The following C12orf42 variants were observed in gnomAD, a reference collection of about 807,000 sequenced individuals.
C12orf42 encodes chromosome 12 open reading frame 42, also known as uncharacterized protein C12orf42.
A neutral mutation model predicts 21.6 loss-of-function variants in C12orf42; 25 were observed. The observed-to-expected ratio is 1.16, with a 90% CI of 0.84 to 1.62. The LOEUF (loss-of-function observed/expected upper bound fraction) is 1.62. C12orf42 is among the 40% of genes most tolerant of loss of function. The probability of loss-of-function intolerance (pLI) is 0.00; values close to 1 mark genes in which losing one functional copy is unlikely to be tolerated. For missense variants in C12orf42, 483 were observed against 459.3 expected (o/e 1.05, Z -0.47); for synonymous variants, 174 against 175.0 (o/e 0.99, Z 0.05).
intron 1 of C12orf42, among the ~76,000 whole-genome samples, chr12:103,494,895 C>T (rs577952656): frequency 3.3e-5 from 5 of 152,168 alleles, no homozygotes; most frequent in Admixed American, 3.3e-4. Flanking sequence ...GGGGGCAGCA[C>T]AGTTGTCACA....
intron 2 of C12orf42, among the ~76,000 whole-genome samples, chr12:103,430,148 A>G (rs1024531969): frequency 6.6e-6 from 1 of 152,258 alleles, no homozygotes; most frequent in Admixed American, 6.5e-5. Context: ...TGCACAGCAA[A>G]AGAAACTATC....
At chr12:103,394,715 TAGTGGGC>T (rs1408713056) in intron 3 of C12orf42, among the ~76,000 whole-genome samples, 1 of 152,168 alleles carries the variant, frequency 6.6e-6, no homozygotes, top group African/African-American at 2.4e-5. Context: ...GGGGTGGCTT[TAGTGGGC>T]AGCTTATTGG....
intron 3 of C12orf42, among the ~76,000 whole-genome samples, chr12:103,371,191 C>A (rs971225402): frequency 6.6e-6 from 1 of 152,064 alleles, no homozygotes; most frequent in African/African-American, 2.4e-5. Context: ...TCACTTCATA[C>A]GGCCTATCAC....
chr12:103,126,823 T>G, the C12orf42 span, among the ~76,000 whole-genome samples: 1 of 152,140 alleles, frequency 6.6e-6, no homozygotes, highest in South Asian at 2.1e-4. Context: ...AGGATCAAGT[T>G]TACTGAGGGG....
intron 4 of C12orf42, among the ~76,000 whole-genome samples, chr12:103,320,349 A>C (rs185169024): frequency 2.0e-5 from 3 of 152,374 alleles, no homozygotes; most frequent in Admixed American, 6.5e-5. Flanking sequence ...ATAATTTCCC[A>C]CACTGAGAAG....
At chr12:103,227,141 G>T in the C12orf42 span, among the ~76,000 whole-genome samples, 1 of 152,086 alleles carries the variant, frequency 6.6e-6, no homozygotes. Flanking sequence ...AGGAGGAATG[G>T]AGGTTGGAAG....
downstream of C12orf42, among the ~76,000 whole-genome samples, chr12:103,234,029 A>G (rs1247473532): frequency 6.6e-6 from 1 of 152,106 alleles, no homozygotes; most frequent in African/African-American, 2.4e-5. Context: ...TGGGTATTGG[A>G]TTTTGTCAAA....
At chr12:103,489,027 A>G (rs1394219048) in intron 1 of C12orf42, among the ~76,000 whole-genome samples, 1 of 152,126 alleles carries the variant, frequency 6.6e-6, no homozygotes, top group Non-Finnish European at 1.5e-5. Flanking sequence ...GAGAAGAGGC[A>G]CTCTGATTTT....
chr12:103,510,083 T>G, the C12orf42 span, among the ~76,000 whole-genome samples: 1 of 152,170 alleles, frequency 6.6e-6, no homozygotes, highest in East Asian at 1.9e-4. Context: ...AATTTGCAAT[T>G]GCAAAAATGT....
chr12:103,365,964 T>A (rs572142453), intron 4 of C12orf42, among the ~76,000 whole-genome samples: 1 of 151,458 alleles, frequency 6.6e-6, no homozygotes, highest in Admixed American at 6.6e-5. Context: ...TTCACGGAAC[T>A]AGAAAAATCA....
chr12:103,467,010 C>T lies in C12orf42; in HGVS notation c.78+11339G>A, dbSNP rs183142629. Among the ~76,000 whole-genome samples, 110 of 152,314 alleles carry T rather than the reference C, an allele frequency of 7.2e-4. 1 individual carries two copies. Among genetic ancestry groups the T allele is most frequent in the African/African-American group, 2.2e-3 (92 of 41,588 alleles). On this transcript the variant is annotated intron_variant, in intron 2 of 5. Transcript: ENST00000548883. ...AAAATCAGCCTTGCTGTCTAGTGGA[C>T]CCACAGCTGACCACAGACATGTGAG... is the stretch of plus-strand genomic sequence containing the variant.
intron 5 of C12orf42, chr12:103,273,657 AG>A: frequency 3.3e-6 from 1 of 306,682 alleles, no homozygotes; most frequent in Non-Finnish European, 6.6e-6. Context: ...TAAAGACCCA[AG>A]AGGTAAGAAT....
At chr12:103,141,828 C>T in the C12orf42 span, among the ~76,000 whole-genome samples, 1 of 152,032 alleles carries the variant, frequency 6.6e-6, no homozygotes, top group Non-Finnish European at 1.5e-5. Flanking sequence ...CCGCACCCAG[C>T]CATAATAAAA....
At chr12:103,235,119 T>C (rs1727174520), downstream of C12orf42, among the ~76,000 whole-genome samples, 1 of 152,198 alleles carries the variant, frequency 6.6e-6, no homozygotes. Context: ...TGGATATGAA[T>C]AGACTTCCAT....
the C12orf42 span, among the ~76,000 whole-genome samples, chr12:103,092,972 G>A: frequency 1.3e-5 from 2 of 152,062 alleles, no homozygotes; most frequent in Non-Finnish European, 2.9e-5. Flanking sequence ...CACATCTCTG[G>A]ACCTTTCTTA....
At chr12:103,486,187 T>C (rs895674238) in intron 1 of C12orf42, among the ~76,000 whole-genome samples, 1 of 152,246 alleles carries the variant, frequency 6.6e-6, no homozygotes, top group Middle Eastern at 3.2e-3. Flanking sequence ...CACGAAGCGC[T>C]GTTGAATTTT....
the C12orf42 span, among the ~76,000 whole-genome samples, chr12:103,519,553 A>G: frequency 3.9e-5 from 6 of 152,160 alleles, no homozygotes; most frequent in African/African-American, 9.7e-5. Flanking sequence ...TGTACTTCTC[A>G]TCTAGTTAAT....
the C12orf42 span, chr12:103,505,734 T>A: frequency 4.8e-6 from 1 of 208,470 alleles, no homozygotes; most frequent in African/African-American, 2.4e-5. Context: ...TGCAGGGGAT[T>A]TTGTTCTTTC....
chr12:103,127,823 C>A, the C12orf42 span, among the ~76,000 whole-genome samples: 3 of 152,104 alleles, frequency 2.0e-5, no homozygotes, highest in Non-Finnish European at 4.4e-5. Context: ...ATAGTACTTA[C>A]GAGAACATTC....
Sources: gnomAD v4.1 joint callset for allele counts (sites outside exome capture counted in the v4.1 genomes callset) on GRCh38, gnomAD v4.1.1 for gene constraint, MANE v1.5 for transcripts, NCBI Gene and HGNC (gene_info 2026-07-23, HGNC 2026-07-21) for gene names.